The following CBR4 variants were observed in gnomAD, a reference collection of about 807,000 sequenced individuals.
CBR4 encodes the protein 3-oxoacyl-[acyl-carrier-protein] reductase.
Under a neutral mutation model 21.0 loss-of-function variants are expected in CBR4, and 22 were observed. The observed-to-expected ratio is 1.05, with a 90% CI of 0.75 to 1.50. The LOEUF (loss-of-function observed/expected upper bound fraction) is 1.50, where lower values mean the gene tolerates loss of function less well. CBR4 is among the 40% of genes most tolerant of loss of function. The pLI is 0.00. For synonymous variants in CBR4, 100 were observed against 104.4 expected, an observed-to-expected ratio of 0.96 and a Z score of 0.26; for missense variants, 302 against 286.3, an observed-to-expected ratio of 1.05 and a Z score of -0.40.
At chr4:168,979,994 G>A (rs1213228171) in intron 2 of CBR4, among the ~76,000 whole-genome samples, 2 of 151,878 alleles carry the variant, frequency 1.3e-5, no homozygotes, top group African/African-American at 4.8e-5. Flanking sequence ...ACCAGGCAGG[G>A]CCCCCCCAGC....
chr4:168,974,625 G>A (rs960520045), intron 2 of CBR4, among the ~76,000 whole-genome samples: 1 of 151,808 alleles, frequency 6.6e-6, no homozygotes, highest in African/African-American at 2.4e-5. Context: ...TTTTGTCTTT[G>A]TTGGATTGGG....
rs781250247 is a variant in CBR4, at chr4:168,898,668, T to C, written n.170-3903A>G. The C allele has an allele frequency of 1.9e-6, 3 of 1,601,438 alleles. No homozygotes were observed. The highest frequency in any genetic ancestry group is 2.6e-6 in the Non-Finnish European group (3 of 1,168,452). Reference sequence around the variant, plus strand: ...AAACATTACAAGATCTTTGAGGGAATGCCAGTAACTTTCACATGTAGAGTG... The same window carrying C: ...AAACATTACAAGATCTTTGAGGGAACGCCAGTAACTTTCACATGTAGAGTG... On this transcript the variant is annotated intron_variant and non_coding_transcript_variant, in intron 2 of 3. Transcript: ENST00000509108.
intron 2 of CBR4, among the ~76,000 whole-genome samples, chr4:168,973,811 G>A (rs1038524085): frequency 2.6e-5 from 4 of 152,110 alleles, no homozygotes; most frequent in African/African-American, 9.7e-5. Context: ...ATCTCCTCTA[G>A]GTTTTCTAGT....
In CBR4 at chr4:169,010,239, T is replaced by C. The variant is rs1161553792; in HGVS notation, c.-150A>G. 1.2e-5 allele frequency: 8 copies of C among 690,626 alleles called. No individual in the cohort carries two copies. The allele number at this position is 690,626 out of a possible 1,614,324, so 42.8% of individuals were successfully genotyped here. ...AAAAATAACGCCGCTCGACACCTCCTGCAGCCGCACAATAGTAATGCAAGA... is the reference window on the plus strand; with the variant it reads ...AAAAATAACGCCGCTCGACACCTCCCGCAGCCGCACAATAGTAATGCAAGA... On this transcript the variant is annotated 5_prime_UTR_variant, in exon 1 of 5. Transcript: ENST00000306193.
At chr4:168,961,762 C>T (rs895371862) in intron 2 of CBR4, among the ~76,000 whole-genome samples, 5 of 152,046 alleles carry the variant, frequency 3.3e-5, no homozygotes, top group Non-Finnish European at 5.9e-5. Context: ...TGGCGAAAGG[C>T]GCCTGTAATC....
At chr4:168,961,957 G>C (rs1319182155) in intron 2 of CBR4, among the ~76,000 whole-genome samples, 1 of 12,074 alleles carries the variant, frequency 8.3e-5, no homozygotes, top group Non-Finnish European at 2.8e-4. Flanking sequence ...GGAGAGGAGA[G>C]GAGAGGAGAG....
intron 2 of CBR4, chr4:168,927,121 T>C (rs915152819): frequency 1.8e-5 from 4 of 226,396 alleles, no homozygotes; most frequent in Non-Finnish European, 3.5e-5. Context: ...AGCAGAAATA[T>C]ATTACAGTTC....
At chr4:168,920,527 C>T (rs75903325) in intron 2 of CBR4, among the ~76,000 whole-genome samples, 8,644 of 152,208 alleles carry the variant, frequency 0.057, 332 homozygotes, top group Non-Finnish European at 0.088. Context: ...AAAAGGCCTT[C>T]CTTAACAGTG....
At chr4:168,920,964 A>G (rs1761361792) in intron 2 of CBR4, among the ~76,000 whole-genome samples, 1 of 152,172 alleles carries the variant, frequency 6.6e-6, no homozygotes, top group Non-Finnish European at 1.5e-5. Context: ...TGGGCAAGGT[A>G]AGACCATGAC....
At chr4:168,898,145 C>A in intron 2 of CBR4, 1 of 325,924 alleles carries the variant, frequency 3.1e-6, no homozygotes, top group Non-Finnish European at 5.9e-6. Flanking sequence ...ATCAGCGTTC[C>A]ATTATATTTT....
rs2126887205 is a variant in CBR4, at chr4:169,009,955, G to A, written c.135C>T (p.Asp45=). ...NLEGAKAAAG[D]LGGDHLAFSC... is the part of the protein sequence containing the mutation. Reference sequence around the variant, plus strand: ...CTCCAGTTTGGTACCTACCGCCGAGGTCACCGGCGGCGGCTTTGGCCCCTT... The same window carrying A: ...CTCCAGTTTGGTACCTACCGCCGAGATCACCGGCGGCGGCTTTGGCCCCTT... The change falls in exon 1 of 5, where the codon GAC becomes GAT. Residue 45 remains aspartate (D), a synonymous_variant. Transcript: ENST00000306193. 1 of 1,611,608 alleles carries A rather than the reference G, an allele frequency of 6.2e-7. No individual in the cohort carries two copies. The highest frequency in any genetic ancestry group is 1.1e-5 in the South Asian group (1 of 90,704).
At chr4:168,919,651 T>G (rs1032310798) in intron 2 of CBR4, among the ~76,000 whole-genome samples, 2 of 152,300 alleles carry the variant, frequency 1.3e-5, no homozygotes, top group African/African-American at 4.8e-5. Flanking sequence ...AGCAGCAGCT[T>G]GCTTTTCCTC....
chr4:168,902,903 C>G (rs1756849581), intron 2 of CBR4, among the ~76,000 whole-genome samples: 2 of 152,072 alleles, frequency 1.3e-5, no homozygotes, highest in Admixed American at 1.3e-4. Flanking sequence ...TTCCAAATAG[C>G]TAGGGCTATA....
intron 4 of CBR4, among the ~76,000 whole-genome samples, chr4:168,993,958 A>G (rs1425625774): frequency 2.6e-5 from 4 of 152,162 alleles, no homozygotes; most frequent in South Asian, 2.1e-4. Context: ...TAAAGCTATC[A>G]CCCGAGAAAA....
chr4:169,007,126 G>A (rs1361884429), intron 2 of CBR4, among the ~76,000 whole-genome samples: 5 of 152,088 alleles, frequency 3.3e-5, no homozygotes, highest in African/African-American at 9.7e-5. Flanking sequence ...AGCTTGAGTG[G>A]CAAATATTCT....
At chr4:168,923,396 G>A (rs1175367769) in intron 2 of CBR4, among the ~76,000 whole-genome samples, 1 of 152,200 alleles carries the variant, frequency 6.6e-6, no homozygotes, top group Non-Finnish European at 1.5e-5. Flanking sequence ...GGGAGTAGTG[G>A]TGGAAAAGGA....
At chr4:168,913,686 C>T (rs140669163) in intron 2 of CBR4, among the ~76,000 whole-genome samples, 1 of 151,822 alleles carries the variant, frequency 6.6e-6, no homozygotes, top group African/African-American at 2.4e-5. Context: ...AACAGTAAAG[C>T]TTATTTAAGA....
In CBR4 at chr4:168,924,373, T is replaced by C. The variant is rs778134231; in HGVS notation, n.170-29608A>G. ...TGGGAGTGCCACCACCTCAGATATTTTGGAAGAAAGAAAATGAATCACTCA... is the reference window on the plus strand; with the variant it reads ...TGGGAGTGCCACCACCTCAGATATTCTGGAAGAAAGAAAATGAATCACTCA... On this transcript the variant is annotated intron_variant and non_coding_transcript_variant, in intron 2 of 3. Coordinates refer to the CBR4 transcript ENST00000509108. 6 of 1,613,796 alleles carry C rather than the reference T, an allele frequency of 3.7e-6. No individual in the cohort carries two copies. The highest frequency in any genetic ancestry group is 4.5e-5 in the East Asian group (2 of 44,882).
intron 2 of CBR4, among the ~76,000 whole-genome samples, chr4:168,916,329 T>C (rs1760080363): frequency 6.6e-6 from 1 of 152,118 alleles, no homozygotes; most frequent in Non-Finnish European, 1.5e-5. Flanking sequence ...GAAGGACTGC[T>C]TGAGCCTAGG....
Sources: allele counts gnomAD v4.1 joint callset (sites outside exome capture counted in the v4.1 genomes callset), GRCh38; gene constraint gnomAD v4.1.1; transcripts MANE v1.5; gene names NCBI Gene and HGNC (gene_info 2026-07-23, HGNC 2026-07-21).